Variants in PUS7L observed in about 807,000 individuals in gnomAD.
The protein encoded by PUS7L is pseudouridylate synthase PUS7L.
In PUS7L, 49 loss-of-function variants were observed where a neutral mutation model predicts 51.1. The observed-to-expected ratio is 0.96, with a 90% confidence interval of 0.76 to 1.22. PUS7L has a LOEUF of 1.22. PUS7L is among the 50% of genes most tolerant of loss of function. The pLI, the probability that PUS7L is intolerant of heterozygous loss-of-function variation, is 0.00. For synonymous variants in PUS7L, 277 were observed against 276.2 expected, an observed-to-expected ratio of 1.00 and a Z score of -0.03; for missense variants, 828 against 820.6, an observed-to-expected ratio of 1.01 and a Z score of -0.11.
chr12:43,719,490 AGGT>A lies in PUS7L; in HGVS notation c.*10883_*10885del, dbSNP rs1944371168. On this transcript the variant is annotated 3_prime_UTR_variant, in exon 9 of 9. Transcript: ENST00000344862. Reference sequence around the variant, plus strand: ...GGTGTGGTCTCATAAAGTAAGAAACAGGTGGGGGGACTCTTCTTTATTTTTTCT... The same window carrying A: ...GGTGTGGTCTCATAAAGTAAGAAACAGGGGGGACTCTTCTTTATTTTTTCT... 6.6e-6 allele frequency: 1 copy of A among 151,968 alleles called. No homozygotes were observed. Among genetic ancestry groups the A allele is most frequent in the African/African-American group, 2.4e-5 (1 of 41,228 alleles). 9.4% of individuals were successfully genotyped at this position (151,968 alleles called of 1,614,324 possible). A position where few individuals can be genotyped will look rare whatever the true frequency, so the allele number is the denominator to read the frequency against.
intron 1 of PUS7L, 188 bp downstream of exon 1, chr12:43,758,542 C>T: frequency 1.0e-6 from 1 of 985,800 alleles, no homozygotes; most frequent in Non-Finnish European, 1.2e-6. Flanking sequence ...AGGCCAGCAG[C>T]TCTACCTGTT....
Position 43,721,600 on chromosome 12 carries a change from T to A in PUS7L, c.*8776A>T, listed in dbSNP as rs1202038330. ...AGGTATAAAGATCAATGCTCTTGAA[T>A]AATTCACAGTAGATGATCCAGATAT... is the stretch of plus-strand genomic sequence containing the variant. On this transcript the variant is annotated 3_prime_UTR_variant, in exon 9 of 9. Transcript: ENST00000344862. 6.6e-6 allele frequency: 1 copy of A among 152,172 alleles called. No individual in the cohort carries two copies. Among genetic ancestry groups the A allele is most frequent in the Non-Finnish European group, 1.5e-5 (1 of 68,028 alleles). The allele number at this position is 152,172 out of a possible 1,614,324, so 9.4% of individuals were successfully genotyped here.
chr12:43,730,711 G>A lies in PUS7L; in HGVS notation c.1780-9C>T. On this transcript the variant is annotated splice_polypyrimidine_tract_variant and intron_variant, in intron 8 of 8. Transcript: ENST00000344862. ...AGTACTGGAAGAACCACCTGTGAAAGAAAAGAGGGAAAAAATATGAAAATA... is the reference window on the plus strand; with the variant it reads ...AGTACTGGAAGAACCACCTGTGAAAAAAAAGAGGGAAAAAATATGAAAATA... 2 of 1,545,776 alleles carry A rather than the reference G, an allele frequency of 1.3e-6. No individual in the cohort carries two copies. Among genetic ancestry groups the A allele is most frequent in the Non-Finnish European group, 1.8e-6 (2 of 1,132,110 alleles).
At chr12:43,757,855 A>G (rs1418337165) in intron 1 of PUS7L, among the ~76,000 whole-genome samples, 1 of 152,228 alleles carries the variant, frequency 6.6e-6, no homozygotes, top group Non-Finnish European at 1.5e-5. Context: ...AAAAACAAGC[A>G]GTCCAGATAC....
rs1256010731 is a variant in PUS7L, at chr12:43,730,445, G to C, written c.2037C>G (p.Ile679Met). Reference sequence around the variant, plus strand: ...AGCATGAAGCATCAAGATCAAAAGAGATCAAAAGAGACAAAGCTGTTTCAT... The same window carrying C: ...AGCATGAAGCATCAAGATCAAAAGACATCAAAAGAGACAAAGCTGTTTCAT... ...HIDETALSLL[I>M]SFDLDASCYA... The change falls in exon 9 of 9, where the codon ATC becomes ATG. Residue 679 changes from isoleucine to methionine, a missense_variant. Coordinates refer to ENST00000344862, the MANE Select transcript of PUS7L (RefSeq NM_031292.5). The C allele has an allele frequency of 3.7e-6, 6 of 1,613,814 alleles. No individual in the cohort carries two copies. The highest frequency in any genetic ancestry group is 1.7e-5 in the Admixed American group (1 of 59,988).
At chr12:43,733,321 T>G (rs1944604558) in intron 7 of PUS7L, among the ~76,000 whole-genome samples, 2 of 152,230 alleles carry the variant, frequency 1.3e-5, no homozygotes, top group Non-Finnish European at 2.9e-5. Flanking sequence ...TACCATTTAT[T>G]AAGAATTTTA....
intron 4 of PUS7L, among the ~76,000 whole-genome samples, chr12:43,744,524 GT>G (rs1230814662): frequency 2.0e-5 from 3 of 152,198 alleles, no homozygotes; most frequent in Non-Finnish European, 1.5e-5. Context: ...ATACGGAACT[GT>G]GAGTTAATTA....
intron 3 of PUS7L, 144 bp downstream of exon 3, chr12:43,748,306 A>T: frequency 2.0e-6 from 1 of 510,592 alleles, no homozygotes; most frequent in East Asian, 3.1e-5. Flanking sequence ...AATATAATTA[A>T]TTAGGAAAAC....
chr12:43,733,786 CAT>C (rs538760741), intron 7 of PUS7L, among the ~76,000 whole-genome samples: 34 of 145,508 alleles, frequency 2.3e-4, no homozygotes, highest in South Asian at 8.5e-4. Flanking sequence ...TTCTCCCCCA[CAT>C]GAGGTAAAAT....
Position 43,736,471 on chromosome 12 carries a change from G to A in PUS7L, c.1635C>T (p.Tyr545=), listed in dbSNP as rs1323177792. 1.2e-6 allele frequency: 2 copies of A among 1,614,164 alleles called. No individual in the cohort carries two copies. Among genetic ancestry groups the A allele is most frequent in the South Asian group, 1.1e-5 (1 of 91,090 alleles). Residue 545 remains tyrosine, a synonymous_variant, in exon 7 of 9, where the codon TAC becomes TAT. Transcript: ENST00000344862. ...TSKIWNEAVS[Y]RLETYGARVV... ...CTCTTGCTCCATAGGTTTCAAGTCTGTAAGATACTGCCTCATTCCAAATTT... is the reference window on the plus strand; with the variant it reads ...CTCTTGCTCCATAGGTTTCAAGTCTATAAGATACTGCCTCATTCCAAATTT...
At chr12:43,742,112 TG>T (rs1937930311) in intron 5 of PUS7L, among the ~76,000 whole-genome samples, 1 of 152,232 alleles carries the variant, frequency 6.6e-6, no homozygotes, top group Non-Finnish European at 1.5e-5. Context: ...TCTGGACTTA[TG>T]TGGATTCCTA....
Position 43,731,700 on chromosome 12 carries a change from T to C in PUS7L, c.1779+5A>G. On this transcript the variant is annotated splice_donor_5th_base_variant and intron_variant, in intron 8 of 8. Transcript: ENST00000344862. ...TAAGTGATAGTAATTTTTAAGCAAA[T>C]TTACCTGATGTATTGCATACATATT... is the stretch of plus-strand genomic sequence containing the variant. 1 of 1,548,344 alleles carries C rather than the reference T, an allele frequency of 6.5e-7. No homozygotes were observed. The highest frequency in any genetic ancestry group is 8.8e-7 in the Non-Finnish European group (1 of 1,130,958).
intron 2 of PUS7L, 131 bp downstream of exon 2, chr12:43,754,205 G>T (rs1938583019): frequency 1.8e-6 from 1 of 561,358 alleles, no homozygotes. Context: ...TTGCTTATCA[G>T]CAATTCCTCT....
chr12:43,719,260 T>C lies in PUS7L; in HGVS notation c.*11116A>G, dbSNP rs1555155180. 1 of 152,180 alleles carries C rather than the reference T, an allele frequency of 6.6e-6. No homozygotes were observed. The highest frequency in any genetic ancestry group is 1.5e-5 in the Non-Finnish European group (1 of 68,026). The allele number at this position is 152,180 out of a possible 1,614,324, so 9.4% of individuals were successfully genotyped here. On this transcript the variant is annotated 3_prime_UTR_variant, in exon 9 of 9. Transcript: ENST00000344862. ...AAAACAAGGAAGACACAAACACAGA[T>C]ATGTACAATTCCATTCACATAAAAT...
chr12:43,734,353 A>G (rs1181440910), intron 7 of PUS7L, among the ~76,000 whole-genome samples: 1 of 152,172 alleles, frequency 6.6e-6, no homozygotes, highest in Non-Finnish European at 1.5e-5. Flanking sequence ...TAACAGAGAA[A>G]AGCAGAGCTG....
chr12:43,757,649 G>A (rs987713885), intron 1 of PUS7L, among the ~76,000 whole-genome samples: 2 of 152,120 alleles, frequency 1.3e-5, no homozygotes, highest in Non-Finnish European at 2.9e-5. Context: ...CAAGCACATG[G>A]TAGGTCTGCA....
Position 43,729,334 on chromosome 12 carries a change from T to G in PUS7L, c.*1042A>C. The G allele has an allele frequency of 2.5e-6, 1 of 394,220 alleles. No homozygotes were observed. Among genetic ancestry groups the G allele is most frequent in the Non-Finnish European group, 4.5e-6 (1 of 223,186 alleles). 24.4% of individuals were successfully genotyped at this position (394,220 alleles called of 1,614,324 possible). ...TTAAGTATATATATCACATTACTGATATATAATGCTCCATACTGCTTTTTA... is the reference window on the plus strand; with the variant it reads ...TTAAGTATATATATCACATTACTGAGATATAATGCTCCATACTGCTTTTTA... On this transcript the variant is annotated 3_prime_UTR_variant, in exon 9 of 9. Coordinates refer to ENST00000344862, the MANE Select transcript of PUS7L (RefSeq NM_031292.5).
rs530156674 is a variant in PUS7L at position 43,754,094 on chromosome 12, G to C, written c.910+242C>G. ...GTGAATAGGCTAATATAAATGCCTA[G>C]GTTATCAGTAAGGCTAATTTTTAAA... On this transcript the variant is annotated intron_variant, in intron 2 of 8. Transcript: ENST00000344862. Among the ~76,000 whole-genome samples, 4 of 152,178 alleles carry C rather than the reference G, an allele frequency of 2.6e-5. No homozygotes were observed. In the South Asian group the frequency reaches 8.3e-4, roughly 32 times the overall value.
rs185443377 is a variant in PUS7L at position 43,756,417 on chromosome 12, G to A, written c.-16-1156C>T. 4.5e-3 allele frequency among the ~76,000 whole-genome samples: 688 copies of A among 152,142 alleles called. 9 individuals are homozygous for A. Among genetic ancestry groups the A allele is most frequent in the African/African-American group, 0.015 (636 of 41,500 alleles). ...TATTGGTCTATGTTTGTCACTGTTC[G>A]TTGCAAGCCATTTCTTCCTCTACTA... On this transcript the variant is annotated intron_variant, in intron 1 of 8. Transcript: ENST00000344862.
Sources: allele counts gnomAD v4.1 joint callset (sites outside exome capture counted in the v4.1 genomes callset), GRCh38; gene constraint gnomAD v4.1.1; transcripts MANE v1.5; gene names NCBI Gene and HGNC (gene_info 2026-07-23, HGNC 2026-07-21).